The following SRCIN1 variants were observed in gnomAD, a reference collection of about 807,000 sequenced individuals.
The protein encoded by SRCIN1 is P130Cas-associated protein.
Under a neutral mutation model 116.2 loss-of-function variants are expected in SRCIN1, and 50 were observed. The ratio of observed to expected loss-of-function variants is 0.43; its 90% CI spans 0.34 to 0.54. The LOEUF (loss-of-function observed/expected upper bound fraction) is 0.54. Ranked by LOEUF, SRCIN1 falls within the 20% of genes least tolerant of loss-of-function variation. SRCIN1 has a pLI of 0.02. For synonymous variants in SRCIN1, 736 were observed against 750.0 expected, an observed-to-expected ratio of 0.98 and a Z score of 0.30; for missense variants, 1,446 against 1,672.0, an observed-to-expected ratio of 0.86 and a Z score of 2.36.
chr17:38,544,282 G>A lies in SRCIN1; in HGVS notation c.3271-313C>T, dbSNP rs1040512185. Among the ~76,000 whole-genome samples the A allele has an allele frequency of 8.5e-5, 13 of 152,088 alleles. No individual in the cohort carries two copies. The highest frequency in any genetic ancestry group is 3.3e-4 in the Admixed American group (5 of 15,276). On this transcript the variant is annotated intron_variant, in intron 17 of 18. Coordinates refer to ENST00000617146, the MANE Select transcript of SRCIN1 (RefSeq NM_025248.3). This position sits in a 1 kb window ranked among gnomAD's most constrained non-coding sequence, Gnocchi z 4.5. ...CCCTCCTTGGGGAGCCTCTGCTAAA[G>A]TGAGGGTCCCCAGCAGCAACCCCAC...
At chr17:38,554,135 C>T (rs1905629805) in intron 11 of SRCIN1, among the ~76,000 whole-genome samples, 1 of 151,764 alleles carries the variant, frequency 6.6e-6, no homozygotes, top group African/African-American at 2.4e-5. Context: ...CGCTTGAACC[C>T]AGGAGGCGGA....
At position 38,568,892 on chromosome 17, in the gene SRCIN1, C is replaced by G. The variant is rs992134228; in HGVS notation, c.325-661G>C. Among the ~76,000 whole-genome samples the G allele has an allele frequency of 8.8e-6, 1 of 113,624 alleles. No individual in the cohort carries two copies. The highest frequency in any genetic ancestry group is 1.7e-5 in the Non-Finnish European group (1 of 57,702). 74.5% of individuals were successfully genotyped at this position (113,624 alleles called of 152,430 possible). A position where few individuals can be genotyped will look rare whatever the true frequency, so the allele number is the denominator to read the frequency against. On this transcript the variant is annotated intron_variant, in intron 2 of 18. Coordinates refer to ENST00000617146, the MANE Select transcript of SRCIN1 (RefSeq NM_025248.3). This position sits in a 1 kb window ranked among gnomAD's most constrained non-coding sequence, Gnocchi z 4.5. ...GCAGAGTGGGATCAGAACTAGACCC[C>G]GGGGCAGAGGTGGATGGGGTGGATC... is the stretch of plus-strand genomic sequence containing the variant.
chr17:38,589,474 C>A (rs190532494), intron 1 of SRCIN1, among the ~76,000 whole-genome samples: 52 of 152,322 alleles, frequency 3.4e-4, no homozygotes, highest in Non-Finnish European at 6.8e-4. Context: ...TCTTCAGCTC[C>A]TTTTCCACTT....
In SRCIN1 at chr17:38,568,989, T is replaced by C. The variant is rs1394375530; in HGVS notation, c.325-758A>G. Among the ~76,000 whole-genome samples, 1 of 151,638 alleles carries C rather than the reference T, an allele frequency of 6.6e-6. No individual in the cohort carries two copies. Among genetic ancestry groups the C allele is most frequent in the African/African-American group, 2.4e-5 (1 of 41,224 alleles). ...CCAAGAGAGAGAGGCCTATGCAGCA[T>C]GGTGGATCTAGTTTACAGAGCAGAG... On this transcript the variant is annotated intron_variant, in intron 2 of 18. Transcript: ENST00000617146. The surrounding 1 kb of genome is among the most constrained non-coding windows in gnomAD (Gnocchi z 4.5).
In SRCIN1 at chr17:38,552,369, G is replaced by T; in HGVS notation, c.2480+78C>A. ...GCCAGTGACCTTTGGGGGAGTTGGG[G>T]TAAGGGTTCAGTATGACCTATGGGT... On this transcript the variant is annotated intron_variant, in intron 13 of 18. Transcript: ENST00000617146. The surrounding 1 kb of genome is among the most constrained non-coding windows in gnomAD (Gnocchi z 5.3). The T allele has an allele frequency of 6.6e-7, 1 of 1,507,046 alleles. No homozygotes were observed. The highest frequency in any genetic ancestry group is 8.9e-7 in the Non-Finnish European group (1 of 1,129,048). The allele number at this position is 1,507,046 out of a possible 1,614,324, so 93.4% of individuals were successfully genotyped here.
intron 17 of SRCIN1, 84 bp downstream of exon 17, chr17:38,548,473 C>T: frequency 6.5e-7 from 1 of 1,549,208 alleles, no homozygotes; most frequent in Non-Finnish European, 8.8e-7. Context: ...TCTTCTGCCT[C>T]ATCCTGTCAC....
Position 38,533,404 on chromosome 17 carries a change from C to A in SRCIN1, c.3445G>T (p.Gly1149Trp), listed in dbSNP as rs762155580. 6 of 1,612,848 alleles carry A rather than the reference C, an allele frequency of 3.7e-6. No homozygotes were observed. The African/African-American group carries it at 8.0e-5, about 22-fold the overall frequency. The change falls in exon 19 of 19, where the codon GGG becomes TGG. Residue 1149 changes from glycine (G) to tryptophan (W), a missense_variant. Gly to Trp is a radical substitution (Grantham distance 184, BLOSUM62 -2). Around this residue, in one of 5 missense-constraint regions of SRCIN1, gnomAD observed 531 missense variants for 633.9 expected, o/e 0.84. Coordinates refer to ENST00000617146, the MANE Select transcript of SRCIN1 (RefSeq NM_025248.3). ...ACTGGGCTCGAGGTCTCATTCGACC[C>A]GCTCATCTCTTTAGATGGTTTAGTG... Reference protein sequence around the residue: ...QATKPSKEMSGSNETSSPVSE... With the variant: ...QATKPSKEMSWSNETSSPVSE...
At position 38,547,809 on chromosome 17, in the gene SRCIN1, G is replaced by A. The variant is rs748011576; in HGVS notation, c.3270+748C>T. ...CCCCCGGGGGGCCCCAGGTCCTGGG[G>A]GGACAGCAAGGTGGGGATCAGCTGG... is the stretch of plus-strand genomic sequence containing the variant. On this transcript the variant is annotated intron_variant, in intron 17 of 18. Coordinates refer to ENST00000617146, the MANE Select transcript of SRCIN1 (RefSeq NM_025248.3). 17 of 251,158 alleles carry A rather than the reference G, an allele frequency of 6.8e-5. No individual in the cohort carries two copies. In the East Asian group the frequency reaches 2.1e-3, roughly 31 times the overall value. The allele number at this position is 251,158 out of a possible 1,614,324, so 15.6% of individuals were successfully genotyped here. A position where few individuals can be genotyped will look rare whatever the true frequency, so the allele number is the denominator to read the frequency against.
In SRCIN1 at chr17:38,605,728, G is replaced by A. The variant is rs2143493444; in HGVS notation, c.-23C>T. 1 of 1,155,772 alleles carries A rather than the reference G, an allele frequency of 8.7e-7. No individual in the cohort carries two copies. 71.6% of individuals were successfully genotyped at this position (1,155,772 alleles called of 1,614,324 possible). On this transcript the variant is annotated 5_prime_UTR_variant, in exon 1 of 19. Coordinates refer to ENST00000617146, the MANE Select transcript of SRCIN1 (RefSeq NM_025248.3). ...CATCGGGCGGGGGCGCGGGGGGCGGGGGCCCCGGGCCGGCCTGCCTGGCGC... is the reference window on the plus strand; with the variant it reads ...CATCGGGCGGGGGCGCGGGGGGCGGAGGCCCCGGGCCGGCCTGCCTGGCGC...
chr17:38,578,830 G>T, intron 1 of SRCIN1, 39 bp from the exon 2 acceptor site: 4 of 1,451,086 alleles, frequency 2.8e-6, no homozygotes, highest in Non-Finnish European at 3.6e-6. Flanking sequence ...GTCACGGCGC[G>T]CCCGGCCTGG....
chr17:38,604,610 C>A lies in SRCIN1; in HGVS notation c.22+1074G>T. 2.3e-6 allele frequency: 1 copy of A among 440,036 alleles called. No homozygotes were observed. 27.3% of individuals were successfully genotyped at this position (440,036 alleles called of 1,614,324 possible). On this transcript the variant is annotated intron_variant, in intron 1 of 18. Coordinates refer to ENST00000617146, the MANE Select transcript of SRCIN1 (RefSeq NM_025248.3). The surrounding 1 kb of genome is among the most constrained non-coding windows in gnomAD (Gnocchi z 4.3). Reference sequence around the variant, plus strand: ...GCACTGCCAGGGCTGCATGGGGACGCGTGGGGCTGGGGGACGAGCACCAGC... The same window carrying A: ...GCACTGCCAGGGCTGCATGGGGACGAGTGGGGCTGGGGGACGAGCACCAGC...
At chr17:38,555,942 A>G (rs1905758277) in intron 11 of SRCIN1, among the ~76,000 whole-genome samples, 1 of 152,208 alleles carries the variant, frequency 6.6e-6, no homozygotes, top group Non-Finnish European at 1.5e-5. Context: ...CAACACTGCA[A>G]TTCTTAGGCA....
chr17:38,552,707 C>T lies in SRCIN1; in HGVS notation c.2332+18G>A, dbSNP rs751986798. The T allele has an allele frequency of 1.1e-5, 17 of 1,613,082 alleles. No homozygotes were observed. In the African/African-American group the frequency reaches 1.5e-4, roughly 14 times the overall value. On this transcript the variant is annotated intron_variant, in intron 12 of 18. Coordinates refer to ENST00000617146, the MANE Select transcript of SRCIN1 (RefSeq NM_025248.3). The surrounding 1 kb of genome is among the most constrained non-coding windows in gnomAD (Gnocchi z 5.3). ...CCCACCCTGAACAACGTGCTGCATT[C>T]GCAGGCCCCAGACCCACCCTTGAGC...
chr17:38,559,640 A>T lies in SRCIN1; in HGVS notation c.1970T>A (p.Leu657Gln). Residue 657 changes from leucine (L) to glutamine (Q), a missense_variant, in exon 10 of 19, where the codon CTG (leucine) becomes CAG (glutamine). By Grantham distance (113) the Leu-to-Gln change is moderately radical (BLOSUM62 -2). This residue lies in a region of SRCIN1 where 398 missense variants were observed against 385.6 expected (regional missense o/e 1.03). Transcript: ENST00000617146. The part of the protein sequence containing the change: ...RLQMQLHLRG[L>Q]QNSASDLRGQ... ...GCGCAAGTCACTGGCGCTGTTCTGC[A>T]GGCCTCGCAGGTGAAGCTGCATCTG... 1.2e-6 allele frequency: 2 copies of T among 1,602,884 alleles called. No homozygotes were observed. Among genetic ancestry groups the T allele is most frequent in the Non-Finnish European group, 1.7e-6 (2 of 1,179,400 alleles).
At chr17:38,591,203 C>T (rs762915477) in intron 1 of SRCIN1, among the ~76,000 whole-genome samples, 4 of 152,214 alleles carry the variant, frequency 2.6e-5, no homozygotes, top group Admixed American at 2.6e-4. Flanking sequence ...TAGATACTTC[C>T]AGGAAAGGAG....
Position 38,533,119 on chromosome 17 carries a change from CA to C in SRCIN1, c.*177del. The stretch of plus-strand genomic sequence containing the variant: ...TTAAAAAAAAAAAAAAAAACAAAAC[CA>C]AAAACACCAACAGATGATGGGTAGG... On this transcript the variant is annotated 3_prime_UTR_variant, in exon 19 of 19. Coordinates refer to ENST00000617146, the MANE Select transcript of SRCIN1 (RefSeq NM_025248.3). 2.2e-6 allele frequency: 1 copy of C among 448,322 alleles called. No homozygotes were observed. The highest frequency in any genetic ancestry group is 3.3e-6 in the Non-Finnish European group (1 of 302,540). 27.8% of individuals were successfully genotyped at this position (448,322 alleles called of 1,614,324 possible).
At chr17:38,557,501 TCA>T (rs1905884062) in intron 11 of SRCIN1, among the ~76,000 whole-genome samples, 1 of 152,032 alleles carries the variant, frequency 6.6e-6, no homozygotes, top group Non-Finnish European at 1.5e-5. Flanking sequence ...CAGATCCTTA[TCA>T]CTGGCGAGGG....
rs1041513833 is a variant in SRCIN1 at position 38,554,051 on chromosome 17, A to C, written c.2202-1196T>G. On this transcript the variant is annotated intron_variant, in intron 11 of 18. Transcript: ENST00000617146. Reference sequence around the variant, plus strand: ...TATGGCGAAACCCTGTCTTTACTAAATATACAAAAATTTGCTGGCCATGGT... The same window carrying C: ...TATGGCGAAACCCTGTCTTTACTAACTATACAAAAATTTGCTGGCCATGGT... Among the ~76,000 whole-genome samples the C allele has an allele frequency of 2.0e-4, 30 of 152,264 alleles. 1 individual carries two copies. Among genetic ancestry groups the C allele is most frequent in the Admixed American group, 1.9e-3 (29 of 15,302 alleles).
intron 18 of SRCIN1, among the ~76,000 whole-genome samples, chr17:38,533,730 C>A (rs1300264203): frequency 2.4e-5 from 3 of 122,644 alleles, no homozygotes; most frequent in African/African-American, 9.4e-5. Flanking sequence ...GAAGAGGCCG[C>A]GCCCAGGATG....
Sources: allele counts gnomAD v4.1 joint callset (sites outside exome capture counted in the v4.1 genomes callset), GRCh38; gene constraint gnomAD v4.1.1; regional missense constraint gnomAD v4.1.1; non-coding constraint Gnocchi (gnomAD v3.1); transcripts MANE v1.5; gene names NCBI Gene and HGNC (gene_info 2026-07-23, HGNC 2026-07-21).